The following OXCT1 variants were observed in gnomAD, a reference collection of about 807,000 sequenced individuals.
The protein encoded by OXCT1 is 3-oxoacid CoA-transferase 1, also known as succinyl-CoA:3-ketoacid coenzyme A transferase 1, mitochondrial.
A neutral mutation model predicts 69.6 loss-of-function variants in OXCT1; 27 were observed. The observed-to-expected ratio is 0.39, with a 90% CI of 0.29 to 0.54. The LOEUF (loss-of-function observed/expected upper bound fraction) is 0.54, where lower values mean the gene tolerates loss of function less well. OXCT1 is among the 20% of genes least tolerant of loss of function. The pLI is 0.72. For missense variants in OXCT1, 437 were observed against 650.2 expected (o/e 0.67, Z 3.57); for synonymous variants, 202 against 217.8 (o/e 0.93, Z 0.64).
chr5:41,801,170 T>A, intron 10 of OXCT1, 100 bp from the exon 11 acceptor site: 1 of 946,894 alleles, frequency 1.1e-6, no homozygotes, highest in Non-Finnish European at 1.7e-6. Flanking sequence ...CCCTATAAAT[T>A]TATCATCCGA....
chr5:41,733,096 A>G (rs915199896), intron 16 of OXCT1, among the ~76,000 whole-genome samples: 1 of 152,204 alleles, frequency 6.6e-6, no homozygotes, highest in African/African-American at 2.4e-5. Flanking sequence ...AATAAACAGA[A>G]TAAGTAGACA....
At chr5:41,853,681 T>G in intron 3 of OXCT1, 127 bp from the exon 4 acceptor site, 1 of 1,048,560 alleles carries the variant, frequency 9.5e-7, no homozygotes, top group Non-Finnish European at 1.4e-6. Context: ...TTGATCCACA[T>G]TCTTAGTCTC....
intron 5 of OXCT1, among the ~76,000 whole-genome samples, chr5:41,846,673 T>C (rs936601593): frequency 6.6e-6 from 1 of 152,186 alleles, no homozygotes; most frequent in African/African-American, 2.4e-5. Context: ...GGTCAAATGG[T>C]ATTTCTAGTT....
intron 1 of OXCT1, among the ~76,000 whole-genome samples, chr5:41,865,692 G>C (rs1749931170): frequency 6.6e-6 from 1 of 152,164 alleles, no homozygotes; most frequent in African/African-American, 2.4e-5. Flanking sequence ...TATGAATCTA[G>C]GAAAATTACT....
At chr5:41,782,097 C>A (rs902482367) in intron 13 of OXCT1, among the ~76,000 whole-genome samples, 92 of 151,162 alleles carry the variant, frequency 6.1e-4, no homozygotes, top group African/African-American at 2.2e-3. Context: ...CCTTTTTCTC[C>A]ACAATCTTGC....
intron 7 of OXCT1, among the ~76,000 whole-genome samples, chr5:41,828,181 C>T (rs1459330040): frequency 6.6e-6 from 1 of 152,190 alleles, no homozygotes; most frequent in Non-Finnish European, 1.5e-5. Flanking sequence ...AATCTCCTCT[C>T]ACTGCAACCT....
Position 41,805,657 on chromosome 5 carries a change from C to G in OXCT1, c.865G>C (p.Asp289His), listed in dbSNP as rs764471824. ...GGTTTAGCAGATTTGGCTTCCCCAT[C>G]TCCCTCTTTCCGGATTGATAAACGC... The part of the protein sequence containing the change: ...IERLSIRKEG[D>H]GEAKSAKPGD... The change falls in exon 9 of 17, where the codon GAT becomes CAT. Residue 289 changes from aspartate to histidine, a missense_variant. By Grantham distance (81) the Asp-to-His change is moderately conservative. This residue lies in a region of OXCT1 where 252 missense variants were observed against 397.4 expected (regional missense o/e 0.63). Transcript: ENST00000196371. 4.3e-6 allele frequency: 7 copies of G among 1,611,066 alleles called. No individual in the cohort carries two copies. The South Asian group carries it at 6.6e-5, about 15-fold the overall frequency.
intron 1 of OXCT1, among the ~76,000 whole-genome samples, chr5:41,869,094 G>A (rs1750148475): frequency 6.6e-6 from 1 of 152,266 alleles, no homozygotes; most frequent in Non-Finnish European, 1.5e-5. Context: ...TTTTAATAAT[G>A]CTTTATATAT....
intron 7 of OXCT1, among the ~76,000 whole-genome samples, chr5:41,819,602 TC>T (rs1438868278): frequency 6.6e-6 from 1 of 152,048 alleles, no homozygotes; most frequent in Admixed American, 6.6e-5. Context: ...ACTCCTTACC[TC>T]AGGTGATCTG....
chr5:41,793,994 T>C lies in OXCT1; in HGVS notation c.1248+9A>G, dbSNP rs1561081464. On this transcript the variant is annotated intron_variant, in intron 13 of 16. Transcript: ENST00000196371. The stretch of plus-strand genomic sequence containing the variant: ...CAAACATAATTCAGAATAAAAAATG[T>C]CTACTTACAGGTATCATCCAGTTAG... The C allele has an allele frequency of 6.5e-6, 10 of 1,547,254 alleles. No homozygotes were observed. Among genetic ancestry groups the C allele is most frequent in the South Asian group, 1.1e-5 (1 of 89,836 alleles).
chr5:41,759,690 A>C (rs974192842), intron 14 of OXCT1, among the ~76,000 whole-genome samples: 1 of 152,088 alleles, frequency 6.6e-6, no homozygotes, highest in African/African-American at 2.4e-5. Flanking sequence ...AACAACAAAA[A>C]ACACATTTTT....
At chr5:41,731,890 G>T (rs1231939344) in intron 16 of OXCT1, 120 bp from the exon 17 acceptor site, 2 of 1,192,076 alleles carry the variant, frequency 1.7e-6, no homozygotes, top group African/African-American at 1.5e-5. Context: ...GACATTCCCT[G>T]GAGTTTCCAT....
chr5:41,739,072 T>C (rs374620218), intron 16 of OXCT1, among the ~76,000 whole-genome samples: 2 of 152,228 alleles, frequency 1.3e-5, no homozygotes, highest in East Asian at 1.9e-4. Context: ...AGCTGCCATA[T>C]AACCAAAGAA....
At chr5:41,761,236 T>C (rs1166243088) in intron 14 of OXCT1, among the ~76,000 whole-genome samples, 1 of 152,106 alleles carries the variant, frequency 6.6e-6, no homozygotes, top group Non-Finnish European at 1.5e-5. Flanking sequence ...CACTGATAGT[T>C]CCTTGGTGAG....
At chr5:41,807,462 A>G (rs375809903) in intron 7 of OXCT1, 24 bp from the exon 8 acceptor site, 11 of 1,292,138 alleles carry the variant, frequency 8.5e-6, no homozygotes, top group Non-Finnish European at 1.2e-5. Context: ...AATTTCTTTC[A>G]AAGTTAGTGA....
At chr5:41,847,379 T>G (rs567630017) in intron 5 of OXCT1, among the ~76,000 whole-genome samples, 1,763 of 152,070 alleles carry the variant, frequency 0.012, 36 homozygotes, top group African/African-American at 0.04. Context: ...CATTCCTTCT[T>G]AAACTATTCC....
chr5:41,748,961 CAGCTTTCAGTTGT>C (rs1743637406), intron 15 of OXCT1, among the ~76,000 whole-genome samples: 1 of 151,984 alleles, frequency 6.6e-6, no homozygotes, highest in African/African-American at 2.4e-5. Flanking sequence ...CTGGTCTGAG[CAGCTTTCAGTTGT>C]ACTACTGACC....
At chr5:41,754,683 T>A (rs1743973354) in intron 14 of OXCT1, among the ~76,000 whole-genome samples, 1 of 152,120 alleles carries the variant, frequency 6.6e-6, no homozygotes, top group South Asian at 2.1e-4. Flanking sequence ...GGGATATGAT[T>A]GACCTTTATA....
At chr5:41,779,157 G>A (rs979532139) in intron 13 of OXCT1, among the ~76,000 whole-genome samples, 3 of 152,024 alleles carry the variant, frequency 2.0e-5, no homozygotes, top group African/African-American at 4.8e-5. Flanking sequence ...CTCAAATATC[G>A]ATTTTTTTCT....
Sources: allele counts gnomAD v4.1 joint callset (sites outside exome capture counted in the v4.1 genomes callset), GRCh38; gene constraint gnomAD v4.1.1; regional missense constraint gnomAD v4.1.1; transcripts MANE v1.5; gene names NCBI Gene and HGNC (gene_info 2026-07-23, HGNC 2026-07-21).